HEATR1: variants seen among roughly 807,000 people sequenced by gnomAD.
HEATR1 encodes the protein HEAT repeat-containing protein 1.
HEATR1 carries 77 observed loss-of-function variants against 248.2 expected under a neutral mutation model. The ratio of observed to expected loss-of-function variants is 0.31; its 90% CI spans 0.26 to 0.37. HEATR1 has a LOEUF of 0.37. Among genes scored for constraint, HEATR1 ranks in the 10% least tolerant of loss-of-function variants. The pLI, the probability that HEATR1 is intolerant of heterozygous loss-of-function variation, is 1.00. For missense variants in HEATR1, 2,420 were observed against 2,504.9 expected (o/e 0.97, Z 0.72); for synonymous variants, 897 against 923.1 (o/e 0.97, Z 0.51).
In HEATR1 at chr1:236,558,663, C is replaced by T. The variant is rs140164353; in HGVS notation, c.4912-134G>A. 219 of 866,628 alleles carry T rather than the reference C, an allele frequency of 2.5e-4. 2 individuals carry two copies. The African/African-American group carries it at 3.4e-3, about 13-fold the overall frequency. The allele number at this position is 866,628 out of a possible 1,614,324, so 53.7% of individuals were successfully genotyped here. On this transcript the variant is annotated intron_variant, in intron 35 of 44. Coordinates refer to ENST00000366582, the MANE Select transcript of HEATR1 (RefSeq NM_018072.6). ...TCCTGAGTCACACAGTCATGCTAAG[C>T]GATGTGCATGTTCTAGCCAGTGTTT...
chr1:236,576,855 G>A lies in HEATR1; in HGVS notation c.2850C>T (p.Ser950=). The A allele has an allele frequency of 6.2e-7, 1 of 1,613,932 alleles. No homozygotes were observed. Among genetic ancestry groups the A allele is most frequent in the Non-Finnish European group, 8.5e-7 (1 of 1,179,912 alleles). Residue 950 remains serine (S), a synonymous_variant, in exon 21 of 45, where the codon TCC becomes TCT. Coordinates refer to ENST00000366582, the MANE Select transcript of HEATR1 (RefSeq NM_018072.6). Reference sequence around the variant, plus strand: ...AATGATCTATTATCAGATAAAACGGGGATGCCACTCCACTGAGGGCCTGGA... The same window carrying A: ...AATGATCTATTATCAGATAAAACGGAGATGCCACTCCACTGAGGGCCTGGA... ...QCLQALSGVA[S]PFYLIIDHLI...
chr1:236,554,539 C>T (rs1662886463), intron 42 of HEATR1, 59 bp downstream of exon 42: 5 of 1,539,556 alleles, frequency 3.2e-6, no homozygotes, highest in Non-Finnish European at 3.5e-6. Flanking sequence ...GATCTAAAAC[C>T]TGCCAAGCTC....
chr1:236,557,444 A>AT, intron 36 of HEATR1, 99 bp from the exon 37 acceptor site: 1 of 1,249,968 alleles, frequency 8.0e-7, no homozygotes, highest in South Asian at 1.5e-5. Context: ...AACTGTGCCT[A>AT]TTACATCGCT....
rs1265004241 is a variant in HEATR1, at chr1:236,566,552, T to A, written c.4308+94A>T. The A allele has an allele frequency of 2.4e-5, 21 of 885,232 alleles. No individual in the cohort carries two copies. In the East Asian group the frequency reaches 5.5e-4, roughly 23 times the overall value. The allele number at this position is 885,232 out of a possible 1,614,324, so 54.8% of individuals were successfully genotyped here. A position where few individuals can be genotyped will look rare whatever the true frequency, so the allele number is the denominator to read the frequency against. On this transcript the variant is annotated intron_variant, in intron 30 of 44. Transcript: ENST00000366582. ...CAAAAAGGTTCTAAATAACACACATTAGGCATCATCAGCCCCATGTTTAAA... is the reference window on the plus strand; with the variant it reads ...CAAAAAGGTTCTAAATAACACACATAAGGCATCATCAGCCCCATGTTTAAA...
chr1:236,585,303 G>T, intron 16 of HEATR1, 87 bp from the exon 17 acceptor site: 2 of 1,065,272 alleles, frequency 1.9e-6, no homozygotes, highest in Non-Finnish European at 2.7e-6. Context: ...GGTATTATGT[G>T]TTTTACATTT....
rs571000592 is a variant in HEATR1 at position 236,563,426 on chromosome 1, C to T, written c.4599+1072G>A. 2.9e-3 allele frequency among the ~76,000 whole-genome samples: 443 copies of T among 152,084 alleles called. 5 individuals carry two copies. The highest frequency in any genetic ancestry group is 9.9e-3 in the African/African-American group (412 of 41,476). ...CCTCCCGAGTAGCTGGGACTACAGG[C>T]GCCCACCACCACGCCCGGCTAATTT... On this transcript the variant is annotated intron_variant, in intron 32 of 44. Transcript: ENST00000366582.
rs1405552326 is a variant in HEATR1 at position 236,559,166 on chromosome 1, AG to A, written c.4771-32del. 4 of 1,520,940 alleles carry A rather than the reference AG, an allele frequency of 2.6e-6. No individual in the cohort carries two copies. The African/African-American group carries it at 5.6e-5, about 21-fold the overall frequency. 94.2% of individuals were successfully genotyped at this position (1,520,940 alleles called of 1,614,324 possible). On this transcript the variant is annotated intron_variant, in intron 34 of 44. Coordinates refer to ENST00000366582, the MANE Select transcript of HEATR1 (RefSeq NM_018072.6). ...GAGAAATTTTATATTTAACATGAAA[AG>A]AAAAACAAATTAAAAAAAAAACCAA...
intron 17 of HEATR1, among the ~76,000 whole-genome samples, chr1:236,583,994 T>A (rs1486941694): frequency 6.6e-6 from 1 of 152,058 alleles, no homozygotes; most frequent in Non-Finnish European, 1.5e-5. Context: ...AGAACAGGTG[T>A]AAGAAAATGA....
intron 22 of HEATR1, 29 bp from the exon 23 acceptor site, chr1:236,574,932 A>C: frequency 6.2e-7 from 1 of 1,602,716 alleles, no homozygotes; most frequent in Non-Finnish European, 8.5e-7. Flanking sequence ...AGTAGTAAAT[A>C]GTTATGTATA....
chr1:236,551,976 G>A lies in HEATR1; in HGVS notation c.6346+23C>T, dbSNP rs1553279840. 2.8e-6 allele frequency: 4 copies of A among 1,411,488 alleles called. No individual in the cohort carries two copies. The African/African-American group carries it at 5.6e-5, about 20-fold the overall frequency. 87.4% of individuals were successfully genotyped at this position (1,411,488 alleles called of 1,614,324 possible). A position where few individuals can be genotyped will look rare whatever the true frequency, so the allele number is the denominator to read the frequency against. On this transcript the variant is annotated intron_variant, in intron 44 of 44. Transcript: ENST00000366582. ...TGAATTATTCCTTAATTGTTTAATG[G>A]TTGGGAATAGTTTGGGAATTACCTT... is the stretch of plus-strand genomic sequence containing the variant.
rs539765699 is a variant in HEATR1 at position 236,567,348 on chromosome 1, T to G, written c.4078-472A>C. Among the ~76,000 whole-genome samples the G allele has an allele frequency of 2.0e-5, 3 of 152,302 alleles. No homozygotes were observed. In the East Asian group the frequency reaches 5.8e-4, roughly 29 times the overall value. On this transcript the variant is annotated intron_variant, in intron 29 of 44. Transcript: ENST00000366582. ...GTACCTGTCATGTCCCAAGCGCTAC[T>G]TAGCCCCAAGGGGAATACAAAGTGT...
intron 32 of HEATR1, among the ~76,000 whole-genome samples, chr1:236,561,482 T>C (rs1663132645): frequency 6.6e-6 from 1 of 152,208 alleles, no homozygotes; most frequent in Non-Finnish European, 1.5e-5. Flanking sequence ...ACTGGTAGTA[T>C]CTAAAAAGTA....
chr1:236,595,934 C>A lies in HEATR1; in HGVS notation c.855G>T (p.Gln285His). ...ENTFVNSLAS[Q>H]IIKTLTKIPS... is the part of the protein sequence containing the mutation. ...GAATCTTGGTCAATGTTTTGATGAT[C>A]TGTGATGCCAATGAATTCACAAAGG... The change falls in exon 7 of 45, where the codon CAG becomes CAT. Residue 285 changes from glutamine to histidine, a missense_variant. Gln to His is a conservative substitution (Grantham distance 24, BLOSUM62 0). Coordinates refer to ENST00000366582, the MANE Select transcript of HEATR1 (RefSeq NM_018072.6). 6.2e-7 allele frequency: 1 copy of A among 1,613,844 alleles called. No individual in the cohort carries two copies. Among genetic ancestry groups the A allele is most frequent in the Non-Finnish European group, 8.5e-7 (1 of 1,179,726 alleles).
Position 236,566,639 on chromosome 1 carries a change from T to C in HEATR1, c.4308+7A>G. The C allele has an allele frequency of 6.3e-7, 1 of 1,597,562 alleles. No individual in the cohort carries two copies. Among genetic ancestry groups the C allele is most frequent in the Non-Finnish European group, 8.6e-7 (1 of 1,165,460 alleles). On this transcript the variant is annotated splice_region_variant and intron_variant, in intron 30 of 44. Coordinates refer to ENST00000366582, the MANE Select transcript of HEATR1 (RefSeq NM_018072.6). Reference sequence around the variant, plus strand: ...ATTTTCCTTATCTTCCCACCCTAGGTTCTGACCTTTTCGCCATAGGCAGCC... The same window carrying C: ...ATTTTCCTTATCTTCCCACCCTAGGCTCTGACCTTTTCGCCATAGGCAGCC...
intron 37 of HEATR1, among the ~76,000 whole-genome samples, chr1:236,556,558 T>A (rs1662984665): frequency 1.3e-5 from 2 of 152,168 alleles, no homozygotes. Context: ...AAGAGTCAAG[T>A]TGCTAAAAAA....
intron 12 of HEATR1, among the ~76,000 whole-genome samples, chr1:236,590,428 G>A (rs989437855): frequency 6.6e-6 from 1 of 151,794 alleles, no homozygotes; most frequent in Non-Finnish European, 1.5e-5. Flanking sequence ...TAGAGAAGGG[G>A]GTCTCCCTAT....
Position 236,559,074 on chromosome 1 carries a change from G to C in HEATR1, c.4832C>G (p.Pro1611Arg). 6.2e-7 allele frequency: 1 copy of C among 1,612,396 alleles called. No individual in the cohort carries two copies. Among genetic ancestry groups the C allele is most frequent in the Admixed American group, 1.7e-5 (1 of 59,628 alleles). The part of the protein sequence containing the change: ...IPVIRGLVGN[P>R]LPSVRRKALD... ...CGCTTTGCGGCGAACAGATGGCAGG[G>C]GATTGCCCACCAGCCCTCTGATCAC... The change falls in exon 35 of 45, where the codon CCC (proline) becomes CGC (arginine). Residue 1611 changes from proline to arginine, a missense_variant. Transcript: ENST00000366582.
intron 24 of HEATR1, among the ~76,000 whole-genome samples, chr1:236,573,660 AAAG>A (rs1663489837): frequency 6.6e-6 from 1 of 152,068 alleles, no homozygotes; most frequent in Non-Finnish European, 1.5e-5. Flanking sequence ...CAGCAAAGAA[AAAG>A]AAGGAAAAAA....
At chr1:236,563,735 T>C (rs1173556882) in intron 32 of HEATR1, among the ~76,000 whole-genome samples, 2 of 152,236 alleles carry the variant, frequency 1.3e-5, no homozygotes, top group Non-Finnish European at 2.9e-5. Flanking sequence ...TATTCCTTTC[T>C]TTCCTTCCTT....
Sources: allele counts gnomAD v4.1 joint callset (sites outside exome capture counted in the v4.1 genomes callset), GRCh38; gene constraint gnomAD v4.1.1; transcripts MANE v1.5; gene names NCBI Gene and HGNC (gene_info 2026-07-23, HGNC 2026-07-21).